The following SDK1 variants were observed in gnomAD, a reference collection of about 807,000 sequenced individuals.
The protein encoded by SDK1 is protein sidekick-1.
Under a neutral mutation model 245.5 loss-of-function variants are expected in SDK1, and 157 were observed. The ratio of observed to expected loss-of-function variants is 0.64; its 90% CI spans 0.56 to 0.73. SDK1 has a LOEUF of 0.73. SDK1 is among the 30% of genes least tolerant of loss of function. SDK1 has a pLI of 0.00. For synonymous variants in SDK1, 1,647 were observed against 1,278.5 expected (o/e 1.29, Z -6.15); for missense variants, 3,583 against 3,002.3 (o/e 1.19, Z -4.52).
chr7:3,755,288 G>C lies in SDK1; in HGVS notation c.714-66162G>C, dbSNP rs116617365. 4.1e-3 allele frequency among the ~76,000 whole-genome samples: 631 copies of C among 152,256 alleles called. 7 individuals are homozygous for C. Among genetic ancestry groups the C allele is most frequent in the African/African-American group, 0.015 (612 of 41,542 alleles). ...CTCTGATTGGCCTTGAGTTGGAAAG[G>C]GTTGGGGAGCGAAAATAGGGACGAC... On this transcript the variant is annotated intron_variant, in intron 4 of 44. Transcript: ENST00000404826.
At chr7:3,779,458 T>A (rs1417765653) in intron 4 of SDK1, among the ~76,000 whole-genome samples, 25 of 151,294 alleles carry the variant, frequency 1.7e-4, no homozygotes, top group African/African-American at 5.6e-4. Flanking sequence ...CCTATTTTTT[T>A]TAAAAAAAAA....
chr7:4,265,312 C>A lies in SDK1; in HGVS notation c.6570C>A (p.Ser2190Arg), dbSNP rs1174679819. 4.5e-6 allele frequency: 7 copies of A among 1,550,420 alleles called. No individual in the cohort carries two copies. Among genetic ancestry groups the A allele is most frequent in the Middle Eastern group, 4.4e-4 (2 of 4,586 alleles). ...TGCACCCGGTCATCACCACGCAGAG[C>A]GCGGGCGGCGTCTACACCCCCGCTG... ...AQLHPVITTQ[S>R]AGGVYTPAGP... Residue 2190 changes from serine to arginine, a missense_variant, in exon 45 of 45, where the codon AGC (serine) becomes AGA (arginine). Transcript: ENST00000404826.
At chr7:4,128,083 C>A (rs1784509264) in intron 26 of SDK1, among the ~76,000 whole-genome samples, 1 of 152,176 alleles carries the variant, frequency 6.6e-6, no homozygotes, top group Admixed American at 6.5e-5. Flanking sequence ...TTTAAAACCC[C>A]CTTCTGTTCC....
At chr7:3,958,218 C>T (rs1437941943) in intron 7 of SDK1, 1 of 295,954 alleles carries the variant, frequency 3.4e-6, no homozygotes, top group Non-Finnish European at 6.6e-6. Flanking sequence ...ATCACCACCA[C>T]CTTAATACTT....
At chr7:3,906,831 T>C (rs887822492) in intron 5 of SDK1, among the ~76,000 whole-genome samples, 5 of 152,034 alleles carry the variant, frequency 3.3e-5, no homozygotes, top group African/African-American at 9.7e-5. Flanking sequence ...GGTTTCACCA[T>C]GTTGCCTAGG....
chr7:3,838,302 A>G (rs1780072526), intron 5 of SDK1, among the ~76,000 whole-genome samples: 1 of 152,242 alleles, frequency 6.6e-6, no homozygotes, highest in Admixed American at 6.5e-5. Context: ...GACTAAAGCG[A>G]AAGTACCTGA....
chr7:3,634,480 G>C (rs1248223708), intron 2 of SDK1, among the ~76,000 whole-genome samples: 1 of 152,176 alleles, frequency 6.6e-6, no homozygotes, highest in East Asian at 1.9e-4. Context: ...AAAACACTGT[G>C]TTAGTTGAGT....
intron 5 of SDK1, among the ~76,000 whole-genome samples, chr7:3,870,854 GTCT>G (rs1780938114): frequency 6.6e-6 from 1 of 152,122 alleles, no homozygotes; most frequent in African/African-American, 2.4e-5. Flanking sequence ...TATGTTCTTA[GTCT>G]TCTCCAAAAT....
At chr7:3,728,795 G>A (rs1257610184) in intron 4 of SDK1, among the ~76,000 whole-genome samples, 1 of 152,008 alleles carries the variant, frequency 6.6e-6, no homozygotes, top group Non-Finnish European at 1.5e-5. Context: ...TAGTAGAGGC[G>A]GGGTTTCACC....
In SDK1 at chr7:3,364,226, C is replaced by G. The variant is rs1440582577; in HGVS notation, c.298+62342C>G. Among the ~76,000 whole-genome samples the G allele has an allele frequency of 3.3e-5, 5 of 152,192 alleles. No individual in the cohort carries two copies. The East Asian group carries it at 9.6e-4, about 29-fold the overall frequency. On this transcript the variant is annotated intron_variant, in intron 1 of 44. Coordinates refer to ENST00000404826, the MANE Select transcript of SDK1 (RefSeq NM_152744.4). ...TTTGGCGTACAAATATATTCTCACT[C>G]TGTAGACTCTATTTCCATTCTTTTA...
chr7:3,348,916 C>T (rs941608599), intron 1 of SDK1, among the ~76,000 whole-genome samples: 1 of 152,164 alleles, frequency 6.6e-6, no homozygotes, highest in Non-Finnish European at 1.5e-5. Context: ...TGAAAAGCTG[C>T]CTGTCACATG....
chr7:3,325,132 C>T (rs1321439493), intron 1 of SDK1, among the ~76,000 whole-genome samples: 3 of 151,846 alleles, frequency 2.0e-5, no homozygotes, highest in African/African-American at 7.3e-5. Flanking sequence ...TTTGGTGATG[C>T]TTCAGTCTCA....
At chr7:3,635,986 C>T (rs940453286) in intron 2 of SDK1, among the ~76,000 whole-genome samples, 2 of 152,192 alleles carry the variant, frequency 1.3e-5, no homozygotes, top group African/African-American at 4.8e-5. Flanking sequence ...TCATGTCTTA[C>T]TCTTTTGTTT....
intron 19 of SDK1, among the ~76,000 whole-genome samples, chr7:4,067,555 A>G (rs1428234625): frequency 6.6e-6 from 1 of 152,222 alleles, no homozygotes; most frequent in Non-Finnish European, 1.5e-5. Context: ...TAATCAGATT[A>G]GATCAAGGAG....
intron 5 of SDK1, among the ~76,000 whole-genome samples, chr7:3,929,648 T>G (rs1436985187): frequency 6.6e-6 from 1 of 152,140 alleles, no homozygotes; most frequent in African/African-American, 2.4e-5. Flanking sequence ...CCTGGAGGGT[T>G]GTAGGGATTT....
At chr7:3,823,319 A>C (rs1348721798) in intron 5 of SDK1, among the ~76,000 whole-genome samples, 2 of 152,232 alleles carry the variant, frequency 1.3e-5, no homozygotes, top group Non-Finnish European at 2.9e-5. Context: ...ATCTGTACTC[A>C]ATTGTAATAT....
At chr7:3,878,021 C>G (rs1781116143) in intron 5 of SDK1, among the ~76,000 whole-genome samples, 1 of 152,196 alleles carries the variant, frequency 6.6e-6, no homozygotes. Context: ...GACATATCAC[C>G]ACATTCACTT....
intron 1 of SDK1, among the ~76,000 whole-genome samples, chr7:3,544,452 C>T (rs1177109455): frequency 6.6e-6 from 1 of 152,172 alleles, no homozygotes; most frequent in Non-Finnish European, 1.5e-5. Flanking sequence ...CCGGCCATGC[C>T]CAAATGAGGG....
chr7:3,530,865 A>G (rs1341105716), intron 1 of SDK1, among the ~76,000 whole-genome samples: 1 of 152,234 alleles, frequency 6.6e-6, no homozygotes, highest in Non-Finnish European at 1.5e-5. Flanking sequence ...TTATTTCCCT[A>G]TGCATAAAAA....
Sources: allele counts gnomAD v4.1 joint callset (sites outside exome capture counted in the v4.1 genomes callset), GRCh38; gene constraint gnomAD v4.1.1; transcripts MANE v1.5; gene names NCBI Gene and HGNC (gene_info 2026-07-23, HGNC 2026-07-21).